Variants in EPHA3 observed in about 807,000 individuals in gnomAD.
EPHA3 encodes ephrin type-A receptor 3.
A neutral mutation model predicts 107.1 loss-of-function variants in EPHA3; 42 were observed. That is an observed-to-expected ratio of 0.39 (90% CI 0.31 to 0.51). The LOEUF is 0.51. Ranked by LOEUF, EPHA3 falls within the 20% of genes least tolerant of loss-of-function variation. The pLI, the probability that EPHA3 is intolerant of heterozygous loss-of-function variation, is 0.78. For missense variants in EPHA3, 1,183 were observed against 1,211.2 expected (o/e 0.98, Z 0.35); for synonymous variants, 461 against 424.8 (o/e 1.09, Z -1.05).
intron 2 of EPHA3, among the ~76,000 whole-genome samples, chr3:89,142,143 A>G (rs1454079981): frequency 6.6e-6 from 1 of 151,430 alleles, no homozygotes; most frequent in Non-Finnish European, 1.5e-5. Context: ...TTTGGTTGAC[A>G]AAAGGGAGGT....
intron 2 of EPHA3, among the ~76,000 whole-genome samples, chr3:89,181,394 T>A (rs528851497): frequency 6.6e-6 from 1 of 152,082 alleles, no homozygotes; most frequent in Non-Finnish European, 1.5e-5. Context: ...CAGTTATATA[T>A]TTTGTCACAT....
intron 5 of EPHA3, among the ~76,000 whole-genome samples, chr3:89,343,192 A>G (rs937747246): frequency 3.3e-5 from 5 of 152,174 alleles, no homozygotes; most frequent in Admixed American, 2.6e-4. Context: ...TAGCCAAATC[A>G]TGAGCCAAAA....
intron 2 of EPHA3, among the ~76,000 whole-genome samples, chr3:89,147,008 A>G (rs1704573194): frequency 1.3e-5 from 2 of 151,968 alleles, no homozygotes; most frequent in Admixed American, 6.6e-5. Flanking sequence ...ATGCAGCCAT[A>G]GAAAAAATGA....
At chr3:89,400,055 T>C in intron 7 of EPHA3, 1 of 1,032,204 alleles carries the variant, frequency 9.7e-7, no homozygotes, top group Non-Finnish European at 1.2e-6. Flanking sequence ...TTTTCTTTTT[T>C]TCAAATGAAT....
chr3:89,214,317 C>T (rs1466100860), intron 3 of EPHA3, among the ~76,000 whole-genome samples: 1 of 151,948 alleles, frequency 6.6e-6, no homozygotes, highest in African/African-American at 2.4e-5. Context: ...GCTTAGTCCA[C>T]TGCACAATAT....
chr3:89,407,139 C>T, intron 7 of EPHA3, 130 bp from the exon 8 acceptor site: 1 of 618,392 alleles, frequency 1.6e-6, no homozygotes, highest in Non-Finnish European at 2.8e-6. Flanking sequence ...AACATTGTAT[C>T]AGACATTAAG....
chr3:89,183,503 A>G lies in EPHA3; in HGVS notation c.154-26357A>G, dbSNP rs1459761148. Among the ~76,000 whole-genome samples the G allele has an allele frequency of 2.6e-5, 4 of 151,918 alleles. No homozygotes were observed. The East Asian group carries it at 5.8e-4, about 22-fold the overall frequency. On this transcript the variant is annotated intron_variant, in intron 2 of 16. Transcript: ENST00000336596. The stretch of plus-strand genomic sequence containing the variant: ...GTATGGTAACCCACAGGACCTTTAT[A>G]AATCACCTTTTGCCTCACCTTCCTC...
At chr3:89,296,564 G>A (rs1706357734) in intron 3 of EPHA3, among the ~76,000 whole-genome samples, 1 of 152,116 alleles carries the variant, frequency 6.6e-6, no homozygotes, top group South Asian at 2.1e-4. Flanking sequence ...TCCAGGCTTT[G>A]TTGTTCCATT....
chr3:89,137,823 T>C (rs1191739081), intron 2 of EPHA3, among the ~76,000 whole-genome samples: 13 of 152,060 alleles, frequency 8.5e-5, no homozygotes, highest in African/African-American at 3.1e-4. Context: ...TTTTTATTAA[T>C]TTTGTTAATA....
At chr3:89,144,740 T>C (rs2107025295) in intron 2 of EPHA3, among the ~76,000 whole-genome samples, 1 of 151,822 alleles carries the variant, frequency 6.6e-6, no homozygotes, top group African/African-American at 2.4e-5. Flanking sequence ...TGTGGTTGTG[T>C]TTTGTTTTGG....
At chr3:89,351,151 C>T (rs1462979552) in intron 5 of EPHA3, among the ~76,000 whole-genome samples, 1 of 151,396 alleles carries the variant, frequency 6.6e-6, no homozygotes, top group Non-Finnish European at 1.5e-5. Flanking sequence ...CCACCCAGTT[C>T]GAGCTTCCCC....
chr3:89,411,630 A>G (rs1306461536), intron 9 of EPHA3, among the ~76,000 whole-genome samples: 2 of 151,896 alleles, frequency 1.3e-5, no homozygotes, highest in Non-Finnish European at 2.9e-5. Flanking sequence ...CTTCACAAGA[A>G]CATAAATCGT....
At chr3:89,153,690 G>A (rs1193860472) in intron 2 of EPHA3, among the ~76,000 whole-genome samples, 1 of 151,924 alleles carries the variant, frequency 6.6e-6, no homozygotes, top group Non-Finnish European at 1.5e-5. Flanking sequence ...CCTATTTTTT[G>A]TTAAATCCAG....
chr3:89,396,629 AT>A (rs199968278), intron 6 of EPHA3, among the ~76,000 whole-genome samples: 3 of 151,994 alleles, frequency 2.0e-5, no homozygotes, highest in South Asian at 4.2e-4. Context: ...TAAATAACTC[AT>A]TTTTTTTCTG....
At chr3:89,447,133 A>C (rs1380450687) in intron 13 of EPHA3, among the ~76,000 whole-genome samples, 1 of 152,174 alleles carries the variant, frequency 6.6e-6, no homozygotes, top group African/African-American at 2.4e-5. Flanking sequence ...AACTTGATCT[A>C]GGCATATGTA....
At chr3:89,410,618 G>A (rs972987713) in intron 9 of EPHA3, among the ~76,000 whole-genome samples, 8 of 151,902 alleles carry the variant, frequency 5.3e-5, no homozygotes, top group South Asian at 2.1e-4. Flanking sequence ...ACTAAGTAAA[G>A]GCAAATAAAA....
chr3:89,136,407 A>C (rs903834463), intron 2 of EPHA3, among the ~76,000 whole-genome samples: 2 of 136,724 alleles, frequency 1.5e-5, no homozygotes, highest in African/African-American at 2.8e-5. Context: ...GAAAACGTGG[A>C]CAGGTGCTAG....
intron 3 of EPHA3, among the ~76,000 whole-genome samples, chr3:89,255,799 G>A (rs1444677878): frequency 3.9e-5 from 6 of 152,062 alleles, no homozygotes; most frequent in African/African-American, 7.2e-5. Context: ...TACTTAGGAG[G>A]CTAAGATAGG....
chr3:89,316,504 TA>T (rs1257605326), intron 3 of EPHA3, among the ~76,000 whole-genome samples: 3,545 of 74,866 alleles, frequency 0.047, 119 homozygotes, highest in African/African-American at 0.13. Context: ...TGTGTGTGTG[TA>T]ATATATATAT....
Sources: allele counts gnomAD v4.1 joint callset (sites outside exome capture counted in the v4.1 genomes callset), GRCh38; gene constraint gnomAD v4.1.1; transcripts MANE v1.5; gene names NCBI Gene and HGNC (gene_info 2026-07-23, HGNC 2026-07-21).